NRXN1: variants seen among roughly 807,000 people sequenced by gnomAD.
The protein encoded by NRXN1 is neurexin 1.
A neutral mutation model predicts 150.9 loss-of-function variants in NRXN1; 39 were observed. The ratio of observed to expected loss-of-function variants is 0.26; its 90% confidence interval spans 0.20 to 0.34. The LOEUF is 0.34. Among genes scored for constraint, NRXN1 ranks in the 10% least tolerant of loss-of-function variants. The pLI is 1.00. For missense variants in NRXN1, 1,815 were observed against 1,949.9 expected, an observed-to-expected ratio of 0.93 and a Z score of 1.30; for synonymous variants, 924 against 757.0, an observed-to-expected ratio of 1.22 and a Z score of -3.62.
intron 17 of NRXN1, among the ~76,000 whole-genome samples, chr2:50,452,956 T>G (rs2104547080): frequency 6.6e-6 from 1 of 152,322 alleles, no homozygotes; most frequent in Admixed American, 6.5e-5. Flanking sequence ...TTTTCAAACA[T>G]TTTCAATATT....
At chr2:50,926,102 CA>C in intron 2 of NRXN1, 147 bp from the exon 3 acceptor site, 1 of 695,944 alleles carries the variant, frequency 1.4e-6, no homozygotes, top group Non-Finnish European at 2.6e-6. Flanking sequence ...AGGGGGAAAA[CA>C]AAATCACAGG....
At chr2:50,428,429 T>C (rs933905413) in intron 17 of NRXN1, among the ~76,000 whole-genome samples, 1 of 152,106 alleles carries the variant, frequency 6.6e-6, no homozygotes, top group African/African-American at 2.4e-5. Context: ...ACAAAAAAGG[T>C]AAATTGTAAG....
At chr2:50,522,130 G>T (rs564877256) in intron 12 of NRXN1, among the ~76,000 whole-genome samples, 21 of 152,174 alleles carry the variant, frequency 1.4e-4, no homozygotes, top group African/African-American at 5.1e-4. Flanking sequence ...AGGAAGTGGG[G>T]TATGTTTAGA....
chr2:50,745,299 G>GCC lies in NRXN1; in HGVS notation c.833-121686_833-121685dup, dbSNP rs34515222. Among the ~76,000 whole-genome samples the GCC allele has an allele frequency of 9.1e-3, 1,191 of 131,424 alleles. 14 individuals carry two copies. Among genetic ancestry groups the GCC allele is most frequent in the African/African-American group, 0.019 (672 of 34,700 alleles). The allele number at this position is 131,424 out of a possible 152,430, so 86.2% of individuals were successfully genotyped here. A position where few individuals can be genotyped will look rare whatever the true frequency, so the allele number is the denominator to read the frequency against. ...CATGCTTATTTTTATATTTATATCTGCCCCCCCCCAGGACTGAAAAAAAAC... is the reference window on the plus strand; with the variant it reads ...CATGCTTATTTTTATATTTATATCTGCCCCCCCCCCCAGGACTGAAAAAAAAC... On this transcript the variant is annotated intron_variant, in intron 5 of 22. Coordinates refer to ENST00000401669, the MANE Select transcript of NRXN1 (RefSeq NM_001330078.2).
intron 2 of NRXN1, chr2:50,979,176 C>T (rs1030282343): frequency 1.4e-4 from 67 of 491,826 alleles, no homozygotes; most frequent in African/African-American, 1.2e-3. Context: ...ACATGGTCAT[C>T]GTATGTAATT....
chr2:50,265,251 GA>G (rs1553342299), intron 17 of NRXN1, among the ~76,000 whole-genome samples: 3 of 151,468 alleles, frequency 2.0e-5, no homozygotes, highest in Non-Finnish European at 2.9e-5. Flanking sequence ...AACAAACACC[GA>G]AAAAAAATGT....
intron 17 of NRXN1, among the ~76,000 whole-genome samples, chr2:50,334,785 T>A (rs2077074187): frequency 6.6e-6 from 1 of 152,248 alleles, no homozygotes; most frequent in South Asian, 2.1e-4. Context: ...AAAATCCAAG[T>A]TATGTGGTTT....
At chr2:50,537,707 T>C (rs1037850613) in intron 10 of NRXN1, among the ~76,000 whole-genome samples, 3 of 152,102 alleles carry the variant, frequency 2.0e-5, no homozygotes, top group African/African-American at 4.8e-5. Flanking sequence ...CTTCCAGAAA[T>C]GTTGGTGCAC....
intron 17 of NRXN1, among the ~76,000 whole-genome samples, chr2:50,279,250 T>A (rs773030177): frequency 6.6e-6 from 1 of 152,148 alleles, no homozygotes; most frequent in Non-Finnish European, 1.5e-5. Context: ...CTGGTCATCA[T>A]CAAATTTATA....
intron 5 of NRXN1, among the ~76,000 whole-genome samples, chr2:50,668,408 T>C (rs1310224720): frequency 6.6e-6 from 1 of 152,008 alleles, no homozygotes; most frequent in African/African-American, 2.4e-5. Flanking sequence ...TACTGCAATA[T>C]ATTCTCCAGC....
chr2:50,525,643 T>C (rs1468088822), intron 12 of NRXN1, among the ~76,000 whole-genome samples: 1 of 152,246 alleles, frequency 6.6e-6, no homozygotes, highest in Non-Finnish European at 1.5e-5. Flanking sequence ...AGTCACACTC[T>C]GTAATCTGCA....
chr2:49,947,351 T>A (rs1673090089), intron 21 of NRXN1, among the ~76,000 whole-genome samples: 1 of 152,036 alleles, frequency 6.6e-6, no homozygotes, highest in Non-Finnish European at 1.5e-5. Context: ...TGCCACCTTT[T>A]CCTTCCTCCA....
At chr2:50,491,404 T>C (rs150054034) in intron 15 of NRXN1, among the ~76,000 whole-genome samples, 6 of 152,268 alleles carry the variant, frequency 3.9e-5, no homozygotes, top group African/African-American at 7.2e-5. Flanking sequence ...GAAAAGAAAG[T>C]CCCTGTTGAG....
At chr2:50,780,786 C>A (rs1459298352) in intron 5 of NRXN1, among the ~76,000 whole-genome samples, 4 of 152,048 alleles carry the variant, frequency 2.6e-5, no homozygotes, top group African/African-American at 9.7e-5. Context: ...TATGAAATGA[C>A]TAATCTCCAT....
At chr2:50,587,435 T>C (rs966263823) in intron 8 of NRXN1, among the ~76,000 whole-genome samples, 22 of 152,190 alleles carry the variant, frequency 1.4e-4, no homozygotes, top group African/African-American at 4.8e-4. Flanking sequence ...CAGTGAGCCA[T>C]GTTCAGGTCA....
intron 5 of NRXN1, among the ~76,000 whole-genome samples, chr2:50,895,920 G>T (rs1681877701): frequency 6.6e-6 from 1 of 151,774 alleles, no homozygotes; most frequent in Non-Finnish European, 1.5e-5. Flanking sequence ...CATTCCAAAC[G>T]ATTATTAAAA....
At chr2:50,235,922 T>G (rs2152877980) in intron 18 of NRXN1, among the ~76,000 whole-genome samples, 1 of 152,190 alleles carries the variant, frequency 6.6e-6, no homozygotes, top group East Asian at 1.9e-4. Flanking sequence ...TGTGACACAC[T>G]ACGATTTTTT....
intron 5 of NRXN1, among the ~76,000 whole-genome samples, chr2:50,702,435 A>T (rs1693878408): frequency 1.3e-5 from 2 of 152,130 alleles, no homozygotes; most frequent in South Asian, 4.1e-4. Context: ...TGAAAGAATG[A>T]CAAATAGCTC....
chr2:50,084,925 C>T (rs1167509179), intron 19 of NRXN1, among the ~76,000 whole-genome samples: 2 of 152,176 alleles, frequency 1.3e-5, no homozygotes, highest in Non-Finnish European at 2.9e-5. Context: ...ATTCAATATA[C>T]TACTTAATAA....
Sources: gnomAD v4.1 joint callset for allele counts (sites outside exome capture counted in the v4.1 genomes callset) on GRCh38, gnomAD v4.1.1 for gene constraint, MANE v1.5 for transcripts, NCBI Gene and HGNC (gene_info 2026-07-23, HGNC 2026-07-21) for gene names.